Variants in CCDC141 observed in about 807,000 individuals in gnomAD.
The protein encoded by CCDC141 is coiled-coil domain-containing protein 141.
Under a neutral mutation model 181.0 loss-of-function variants are expected in CCDC141, and 168 were observed. That is an observed-to-expected ratio of 0.93 (90% CI 0.82 to 1.05). The LOEUF (loss-of-function observed/expected upper bound fraction) is 1.05. CCDC141 is among the 50% of genes least tolerant of loss of function. The pLI is 0.00. For missense variants in CCDC141, 1,902 were observed against 1,788.5 expected (o/e 1.06, Z -1.14); for synonymous variants, 666 against 642.3 (o/e 1.04, Z -0.56).
At chr2:178,858,906 T>C (rs1414396566) in intron 17 of CCDC141, among the ~76,000 whole-genome samples, 3 of 152,146 alleles carry the variant, frequency 2.0e-5, no homozygotes, top group East Asian at 3.9e-4. Flanking sequence ...ACCTATATGA[T>C]AGAGAAAGGC....
intron 5 of CCDC141, among the ~76,000 whole-genome samples, chr2:178,959,882 A>G (rs1011264552): frequency 2.0e-5 from 3 of 152,222 alleles, no homozygotes; most frequent in African/African-American, 7.2e-5. Flanking sequence ...ACACATGTCA[A>G]AATTCATTAC....
intron 2 of CCDC141, among the ~76,000 whole-genome samples, chr2:178,998,247 C>T (rs1208798657): frequency 6.6e-6 from 1 of 152,092 alleles, no homozygotes; most frequent in East Asian, 1.9e-4. Context: ...AAAGCTAAAA[C>T]CAAACTGTCA....
In CCDC141 at chr2:178,946,497, T is replaced by A. The variant is rs182137660; in HGVS notation, c.781-1846A>T. 3.7e-3 allele frequency among the ~76,000 whole-genome samples: 565 copies of A among 152,300 alleles called. 6 individuals are homozygous for A. The highest frequency in any genetic ancestry group is 0.013 in the African/African-American group (527 of 41,576). ...TCTTATTAAACAAAAGTGAGTTTTA[T>A]TTATTCTTAGCTAAAGTGGGAGGGA... On this transcript the variant is annotated intron_variant, in intron 5 of 23. Coordinates refer to ENST00000443758, the MANE Select transcript of CCDC141 (RefSeq NM_173648.4).
intron 8 of CCDC141, among the ~76,000 whole-genome samples, chr2:178,902,520 T>G (rs908158659): frequency 1.3e-5 from 2 of 152,168 alleles, no homozygotes; most frequent in Non-Finnish European, 2.9e-5. Flanking sequence ...ATTCCCTATT[T>G]AATAAATGGT....
chr2:178,955,488 G>C, intron 5 of CCDC141, among the ~76,000 whole-genome samples: 1 of 151,936 alleles, frequency 6.6e-6, no homozygotes. Context: ...TGTTTAAATT[G>C]TGTTATATTC....
rs373773937 is a variant in CCDC141, at chr2:178,837,690, G to C, written c.3529C>G (p.Leu1177Val). ...LGINGTGEER[L>V]PQDLKVSTDK... ...GTGGACACCTTCAGGTCTTGTGGTAGTCGCTCTTCCCCTGTTCCATTGATG... is the reference window on the plus strand; with the variant it reads ...GTGGACACCTTCAGGTCTTGTGGTACTCGCTCTTCCCCTGTTCCATTGATG... The change falls in exon 23 of 24, where the codon CTA (leucine) becomes GTA (valine). Residue 1177 changes from leucine (L) to valine (V), a missense_variant. By Grantham distance (32) the Leu-to-Val change is conservative (BLOSUM62 1). Transcript: ENST00000443758. 4 of 1,613,880 alleles carry C rather than the reference G, an allele frequency of 2.5e-6. No individual in the cohort carries two copies. In the African/African-American group the frequency reaches 5.3e-5, roughly 22 times the overall value.
chr2:178,954,410 G>A (rs1248809142), intron 5 of CCDC141, among the ~76,000 whole-genome samples: 1 of 152,164 alleles, frequency 6.6e-6, no homozygotes, highest in Non-Finnish European at 1.5e-5. Context: ...GAAAGAACAT[G>A]CTATAATTAT....
At chr2:178,976,484 A>G (rs1283649877) in intron 3 of CCDC141, among the ~76,000 whole-genome samples, 1 of 152,198 alleles carries the variant, frequency 6.6e-6, no homozygotes, top group Non-Finnish European at 1.5e-5. Flanking sequence ...AGCATGGGAC[A>G]TGTTTTGGAA....
intron 6 of CCDC141, among the ~76,000 whole-genome samples, chr2:178,919,863 A>G (rs977114358): frequency 6.6e-6 from 1 of 152,176 alleles, no homozygotes; most frequent in Admixed American, 6.5e-5. Context: ...ATTGTTCGGT[A>G]TTTTCTCCTT....
the CCDC141 span, among the ~76,000 whole-genome samples, chr2:178,819,214 C>T: frequency 6.6e-6 from 1 of 152,172 alleles, no homozygotes; most frequent in African/African-American, 2.4e-5. Flanking sequence ...ATAACCTACA[C>T]AACTTTTTTT....
At chr2:178,986,954 T>C (rs1193920667) in intron 2 of CCDC141, among the ~76,000 whole-genome samples, 13 of 151,940 alleles carry the variant, frequency 8.6e-5, no homozygotes, top group Non-Finnish European at 2.9e-5. Flanking sequence ...CTTCACAGAA[T>C]TGGAAAAAAC....
chr2:178,933,023 G>A (rs1490334452), intron 6 of CCDC141, among the ~76,000 whole-genome samples: 2 of 152,106 alleles, frequency 1.3e-5, no homozygotes, highest in Admixed American at 1.3e-4. Flanking sequence ...GAAGGAACTT[G>A]GGGCCAAGAT....
chr2:178,990,748 T>C (rs1692016143), intron 2 of CCDC141, among the ~76,000 whole-genome samples: 1 of 151,822 alleles, frequency 6.6e-6, no homozygotes, highest in South Asian at 2.1e-4. Flanking sequence ...ATATGTAGAA[T>C]AGGTAAAATC....
chr2:178,917,581 G>A (rs781735743), intron 7 of CCDC141, among the ~76,000 whole-genome samples: 42 of 152,070 alleles, frequency 2.8e-4, no homozygotes, highest in African/African-American at 9.7e-4. Context: ...CACATTGTCC[G>A]TTTTGAAAAC....
chr2:179,026,324 C>A (rs1479524474), intron 2 of CCDC141, among the ~76,000 whole-genome samples: 5 of 152,184 alleles, frequency 3.3e-5, no homozygotes, highest in Non-Finnish European at 1.5e-5. Context: ...GGCCTGCATC[C>A]CAACCACTCT....
intron 1 of CCDC141, among the ~76,000 whole-genome samples, chr2:179,048,742 T>C (rs1489725170): frequency 2.6e-5 from 4 of 152,210 alleles, no homozygotes; most frequent in Non-Finnish European, 5.9e-5. Context: ...AGAGGCCTGG[T>C]TCCTGTGGGA....
intron 2 of CCDC141, chr2:179,001,905 G>A (rs1223503882): frequency 2.7e-5 from 4 of 150,856 alleles, no homozygotes; most frequent in Non-Finnish European, 5.9e-5. Flanking sequence ...TGCAACCTCC[G>A]CCTCCCAGGT....
chr2:178,964,313 A>G (rs138657469), intron 4 of CCDC141, among the ~76,000 whole-genome samples: 1 of 152,182 alleles, frequency 6.6e-6, no homozygotes. Flanking sequence ...GGAAGGCAAC[A>G]GGGTCTCCAC....
At chr2:178,996,235 G>A (rs1174721724) in intron 2 of CCDC141, among the ~76,000 whole-genome samples, 1 of 151,914 alleles carries the variant, frequency 6.6e-6, no homozygotes, top group Non-Finnish European at 1.5e-5. Flanking sequence ...GCACCACCAT[G>A]CCTGGCTAAT....
Sources: allele counts gnomAD v4.1 joint callset (sites outside exome capture counted in the v4.1 genomes callset), GRCh38; gene constraint gnomAD v4.1.1; transcripts MANE v1.5; gene names NCBI Gene and HGNC (gene_info 2026-07-23, HGNC 2026-07-21).